Variants in UGT2A1 observed in about 807,000 individuals in gnomAD.
The protein encoded by UGT2A1 is UDP-glucuronosyltransferase 2A1.
In UGT2A1, 61 loss-of-function variants were observed where a neutral mutation model predicts 45.4. The ratio of observed to expected loss-of-function variants is 1.34; its 90% CI spans 1.09 to 1.66. The LOEUF (loss-of-function observed/expected upper bound fraction) is 1.66. Ranked by LOEUF, UGT2A1 falls within the 40% of genes most tolerant of loss-of-function variation. The probability of loss-of-function intolerance (pLI) is 0.00; values close to 1 mark genes in which losing one functional copy is unlikely to be tolerated. For missense variants in UGT2A1, 649 were observed against 574.3 expected (o/e 1.13, Z -1.33); for synonymous variants, 229 against 196.2 (o/e 1.17, Z -1.40).
chr4:69,652,347 A>C (rs183253856), intron 1 of UGT2A1, among the ~76,000 whole-genome samples: 1 of 142,028 alleles, frequency 7.0e-6, no homozygotes, highest in African/African-American at 2.7e-5. Context: ...GCAAGGGCAT[A>C]ATCTCGGGTC....
At chr4:69,649,925 A>C (rs1722444765) in intron 1 of UGT2A1, among the ~76,000 whole-genome samples, 2 of 152,114 alleles carry the variant, frequency 1.3e-5, no homozygotes, top group Admixed American at 6.6e-5. Context: ...CTGCATGTGC[A>C]TGAGAGGGAG....
intron 3 of UGT2A1, among the ~76,000 whole-genome samples, chr4:69,626,378 T>C (rs570801221): frequency 3.3e-5 from 5 of 151,774 alleles, no homozygotes; most frequent in South Asian, 4.2e-4. Context: ...TACATATGTA[T>C]GATTTTTATA....
chr4:69,594,882 G>T (rs937674518), intron 5 of UGT2A1, among the ~76,000 whole-genome samples, 186 bp from the exon 6 acceptor site: 1 of 152,126 alleles, frequency 6.6e-6, no homozygotes, highest in Admixed American at 6.6e-5. Context: ...GTAATTAACA[G>T]CATTTGCATT....
At chr4:69,650,140 A>T (rs902614794) in intron 1 of UGT2A1, among the ~76,000 whole-genome samples, 2 of 152,004 alleles carry the variant, frequency 1.3e-5, no homozygotes, top group Non-Finnish European at 2.9e-5. Flanking sequence ...CTCACCTTTG[A>T]TGTCCACGCT....
At chr4:69,633,453 C>A (rs1399841523) in intron 3 of UGT2A1, among the ~76,000 whole-genome samples, 1 of 152,078 alleles carries the variant, frequency 6.6e-6, no homozygotes, top group Non-Finnish European at 1.5e-5. Flanking sequence ...ACGAATATAT[C>A]CAACAGTATG....
At chr4:69,603,560 G>A (rs527503412) in intron 3 of UGT2A1, 1 of 137,104 alleles carries the variant, frequency 7.3e-6, no homozygotes, top group Admixed American at 7.2e-5. Flanking sequence ...GAACAAAACT[G>A]GACGGAGAAT....
rs1430831219 is a variant in UGT2A1, at chr4:69,607,100, C to A, written c.848-7706G>T. Among the ~76,000 whole-genome samples the A allele has an allele frequency of 1.2e-4, 17 of 138,852 alleles. 4 individuals carry two copies. Among genetic ancestry groups the A allele is most frequent in the African/African-American group, 4.6e-4 (16 of 35,102 alleles). The allele number at this position is 138,852 out of a possible 152,430, so 91.1% of individuals were successfully genotyped here. On this transcript the variant is annotated intron_variant, in intron 3 of 6. Coordinates refer to ENST00000286604, the MANE Select transcript of UGT2A1 (RefSeq NM_001252275.3). ...GTTCATATGGAACCAAAAAAGAGCC[C>A]GCATTGCCAAGTCAATCCTAAGCCA...
At chr4:69,595,852 T>C (rs1718891340) in intron 4 of UGT2A1, among the ~76,000 whole-genome samples, 1 of 152,220 alleles carries the variant, frequency 6.6e-6, no homozygotes, top group Non-Finnish European at 1.5e-5. Context: ...ATTCGAATTA[T>C]ATTTTTAGCA....
At chr4:69,589,696 T>A in intron 6 of UGT2A1, 45 bp from the exon 7 acceptor site, 2 of 1,561,444 alleles carry the variant, frequency 1.3e-6, no homozygotes, top group Non-Finnish European at 1.7e-6. Context: ...TTTTTGTTTT[T>A]ATTTTCATTG....
intron 3 of UGT2A1, among the ~76,000 whole-genome samples, chr4:69,620,199 G>A (rs1156601429): frequency 6.6e-6 from 1 of 151,774 alleles, no homozygotes; most frequent in Non-Finnish European, 1.5e-5. Flanking sequence ...AACTTTCCTG[G>A]TTCACACACA....
intron 3 of UGT2A1, among the ~76,000 whole-genome samples, chr4:69,619,357 G>C (rs1011762380): frequency 2.6e-5 from 4 of 151,650 alleles, no homozygotes; most frequent in Non-Finnish European, 5.9e-5. Flanking sequence ...CAACATCAGT[G>C]GCACTGTACT....
chr4:69,623,703 A>T (rs1264193376), intron 3 of UGT2A1, among the ~76,000 whole-genome samples: 6 of 151,384 alleles, frequency 4.0e-5, no homozygotes, highest in Admixed American at 6.6e-5. Context: ...TGGCTATCAA[A>T]TATATTAGGA....
At position 69,615,910 on chromosome 4, in the gene UGT2A1, A is replaced by G. The variant is rs1720352393; in HGVS notation, c.848-16516T>C. ...TGATCCGACAATCACACTGCTGGGT[A>G]TATATCCAAATAAAGGAATCAGTAT... On this transcript the variant is annotated intron_variant, in intron 3 of 6. Transcript: ENST00000286604. 2.0e-5 allele frequency among the ~76,000 whole-genome samples: 3 copies of G among 152,074 alleles called. No individual in the cohort carries two copies. In the South Asian group the frequency reaches 6.2e-4, roughly 31 times the overall value.
In UGT2A1 at chr4:69,594,628, C is replaced by T. The variant is rs375410043; in HGVS notation, c.1153G>A (p.Gly385Arg). 918 of 1,614,030 alleles carry T rather than the reference C, an allele frequency of 5.7e-4. 18 individuals carry two copies. In the South Asian group the frequency reaches 9.5e-3, roughly 17 times the overall value. Residue 385 changes from glycine (G) to arginine (R), a missense_variant, in exon 6 of 7, where the codon GGA becomes AGA. Gly to Arg is a moderately radical substitution (Grantham distance 125). Coordinates refer to ENST00000286604, the MANE Select transcript of UGT2A1 (RefSeq NM_001252275.3). ...TNGIYEAIYH[G>R]VPMVGVPMFA... is the part of the protein sequence containing the mutation. ...ATGGGAACTCCCACCATAGGGACTC[C>T]GTGGTAAATAGCTTCGTAGATCCCA...
chr4:69,641,877 A>C (rs1722064575), intron 2 of UGT2A1, among the ~76,000 whole-genome samples: 2 of 151,740 alleles, frequency 1.3e-5, no homozygotes, highest in African/African-American at 4.8e-5. Context: ...ATAGCTAGCT[A>C]TGATATTTTA....
Position 69,595,186 on chromosome 4 carries a change from A to T in UGT2A1, c.1060T>A (p.Trp354Arg), listed in dbSNP as rs367633762. The change falls in exon 5 of 7, where the codon TGG becomes AGG. Residue 354 changes from tryptophan (W) to arginine (R), a missense_variant. Physicochemically the swap from Trp to Arg is moderately radical, Grantham distance 101. Transcript: ENST00000286604. ...CCAAGAAGATCATTCTGGGGTATCC[A>T]ATCAAAGAGCTGAGTATTGTTTCCT... ...TLGNNTQLFD[W>R]IPQNDLLGHP... 1.4e-5 allele frequency: 23 copies of T among 1,613,738 alleles called. No individual in the cohort carries two copies. The highest frequency in any genetic ancestry group is 1.6e-5 in the Non-Finnish European group (19 of 1,179,876).
intron 3 of UGT2A1, among the ~76,000 whole-genome samples, chr4:69,624,444 G>A (rs1364105925): frequency 6.6e-6 from 1 of 151,310 alleles, no homozygotes; most frequent in African/African-American, 2.4e-5. Context: ...TGAGGGTTGT[G>A]AGAACTTTAC....
chr4:69,630,050 T>G (rs961737518), intron 3 of UGT2A1, among the ~76,000 whole-genome samples: 12 of 152,222 alleles, frequency 7.9e-5, no homozygotes, highest in African/African-American at 2.9e-4. Context: ...TTTCTCATAT[T>G]TAAACGTGAC....
chr4:69,596,271 G>A lies in UGT2A1; in HGVS notation c.997-1022C>T, dbSNP rs149416008. The A allele has an allele frequency of 2.0e-4, 321 of 1,603,980 alleles. No individual in the cohort carries two copies. In the African/African-American group the frequency reaches 3.9e-3, roughly 20 times the overall value. ...TGACCTTCTGTGGAATCTGGGCAAG[G>A]GCTGAGGCAATAAGATTGGCCTTTT... On this transcript the variant is annotated intron_variant, in intron 4 of 6. Coordinates refer to ENST00000286604, the MANE Select transcript of UGT2A1 (RefSeq NM_001252275.3).
Sources: allele counts gnomAD v4.1 joint callset (sites outside exome capture counted in the v4.1 genomes callset), GRCh38; gene constraint gnomAD v4.1.1; transcripts MANE v1.5; gene names NCBI Gene and HGNC (gene_info 2026-07-23, HGNC 2026-07-21).